CYTIP: variants seen among roughly 807,000 people sequenced by gnomAD.
CYTIP encodes the protein cytohesin 1 interacting protein, also known as cytohesin-interacting protein.
In CYTIP, 26 loss-of-function variants were observed where a neutral mutation model predicts 43.8. The observed-to-expected ratio is 0.59, with a 90% CI of 0.44 to 0.82. The LOEUF (loss-of-function observed/expected upper bound fraction) is 0.82. Among genes scored for constraint, CYTIP ranks in the 40% least tolerant of loss-of-function variants. The pLI is 0.00. For missense variants in CYTIP, 426 were observed against 443.1 expected, an observed-to-expected ratio of 0.96 and a Z score of 0.35; for synonymous variants, 162 against 162.9, an observed-to-expected ratio of 0.99 and a Z score of 0.04.
rs201946540 is a variant in CYTIP at position 157,434,750 on chromosome 2, G to A, written c.175-3C>T. On this transcript the variant is annotated splice_polypyrimidine_tract_variant and splice_region_variant and intron_variant, in intron 1 of 7. Coordinates refer to ENST00000264192, the MANE Select transcript of CYTIP (RefSeq NM_004288.5). ...GAACTTGATCTGGTCAAAGCAAGCT[G>A]AAAAACACAAAAGACATATAGTTAT... is the stretch of plus-strand genomic sequence containing the variant. 1.4e-5 allele frequency: 22 copies of A among 1,606,982 alleles called. No individual in the cohort carries two copies. Among genetic ancestry groups the A allele is most frequent in the Non-Finnish European group, 1.7e-5 (20 of 1,176,110 alleles).
intron 5 of CYTIP, among the ~76,000 whole-genome samples, chr2:157,429,230 T>C (rs1319409915): frequency 6.6e-6 from 1 of 152,186 alleles, no homozygotes; most frequent in Non-Finnish European, 1.5e-5. Context: ...AATTATACTG[T>C]CTTTTTCTCT....
chr2:157,442,755 G>A (rs1390647044), intron 1 of CYTIP, among the ~76,000 whole-genome samples: 1 of 152,056 alleles, frequency 6.6e-6, no homozygotes, highest in African/African-American at 2.4e-5. Flanking sequence ...CAAGGAATCA[G>A]CTATTATACA....
chr2:157,426,041 T>C (rs1434639026), intron 6 of CYTIP, among the ~76,000 whole-genome samples: 1 of 151,928 alleles, frequency 6.6e-6, no homozygotes, highest in Non-Finnish European at 1.5e-5. Flanking sequence ...CTATAAAAAT[T>C]ATTATTAGAA....
In CYTIP at chr2:157,441,028, T is replaced by C. The variant is rs561178644; in HGVS notation, c.174+2819A>G. Among the ~76,000 whole-genome samples, 4 of 152,202 alleles carry C rather than the reference T, an allele frequency of 2.6e-5. No individual in the cohort carries two copies. In the South Asian group the frequency reaches 8.3e-4, roughly 32 times the overall value. On this transcript the variant is annotated intron_variant, in intron 1 of 7. Coordinates refer to ENST00000264192, the MANE Select transcript of CYTIP (RefSeq NM_004288.5). ...TATCAGTACAGGTAGTGAGATAATA[T>C]GCACACAGAGAAATCTATCTTTAAA...
intron 5 of CYTIP, 66 bp downstream of exon 5, chr2:157,430,493 C>A: frequency 1.5e-6 from 2 of 1,372,254 alleles, no homozygotes; most frequent in South Asian, 1.2e-5. Flanking sequence ...CCTATTTATT[C>A]ACTCATCAGG....
chr2:157,421,560 G>T (rs1277490430), intron 6 of CYTIP, among the ~76,000 whole-genome samples: 1 of 152,186 alleles, frequency 6.6e-6, no homozygotes, highest in Admixed American at 6.5e-5. Context: ...AATAGCAGAA[G>T]TAGATTACAA....
At position 157,429,308 on chromosome 2, in the gene CYTIP, C is replaced by T. The variant is rs1198376521; in HGVS notation, c.476+1251G>A. 3.3e-5 allele frequency among the ~76,000 whole-genome samples: 5 copies of T among 152,068 alleles called. No homozygotes were observed. In the South Asian group the frequency reaches 1.0e-3, roughly 31 times the overall value. On this transcript the variant is annotated intron_variant, in intron 5 of 7. Coordinates refer to ENST00000264192, the MANE Select transcript of CYTIP (RefSeq NM_004288.5). ...TCTCTCTTTGCCTGAAGTGCTCTTACGAGGAGTTCATTTGACCATCCTTCT... is the reference window on the plus strand; with the variant it reads ...TCTCTCTTTGCCTGAAGTGCTCTTATGAGGAGTTCATTTGACCATCCTTCT...
chr2:157,441,376 G>A (rs1203182882), intron 1 of CYTIP, among the ~76,000 whole-genome samples: 2 of 152,158 alleles, frequency 1.3e-5, no homozygotes, highest in Non-Finnish European at 2.9e-5. Flanking sequence ...GATGATAATT[G>A]TACGGAATCA....
chr2:157,433,973 A>G (rs1248471217), intron 3 of CYTIP, among the ~76,000 whole-genome samples: 6 of 152,210 alleles, frequency 3.9e-5, no homozygotes, highest in Admixed American at 2.6e-4. Flanking sequence ...TTGAATGCCA[A>G]AGTAAATACT....
At chr2:157,426,136 G>C (rs749208300) in intron 6 of CYTIP, among the ~76,000 whole-genome samples, 6 of 151,868 alleles carry the variant, frequency 4.0e-5, no homozygotes, top group Non-Finnish European at 7.4e-5. Context: ...GATTAATATA[G>C]CAAGAACAAT....
intron 3 of CYTIP, chr2:157,434,141 A>C: frequency 1.7e-6 from 1 of 571,862 alleles, no homozygotes; most frequent in Non-Finnish European, 3.1e-6. Flanking sequence ...GAAGCAACTA[A>C]GCACAAACTG....
At chr2:157,431,037 C>T in intron 3 of CYTIP, 75 bp from the exon 4 acceptor site, 1 of 1,164,960 alleles carries the variant, frequency 8.6e-7, no homozygotes, top group Non-Finnish European at 1.2e-6. Flanking sequence ...AAAATGATGT[C>T]AATTATCATT....
chr2:157,420,409 G>A (rs916147467), intron 6 of CYTIP, among the ~76,000 whole-genome samples: 7 of 152,020 alleles, frequency 4.6e-5, no homozygotes, highest in South Asian at 2.1e-4. Context: ...TCAGGTACTC[G>A]GGAGGCTGAG....
chr2:157,423,868 C>T (rs2105135682), intron 6 of CYTIP, among the ~76,000 whole-genome samples: 1 of 152,134 alleles, frequency 6.6e-6, no homozygotes, highest in South Asian at 2.1e-4. Context: ...CACATATTGA[C>T]AGAATTTTTT....
intron 2 of CYTIP, 94 bp downstream of exon 2, chr2:157,434,604 A>AG: frequency 2.1e-6 from 2 of 949,682 alleles, no homozygotes; most frequent in Non-Finnish European, 1.7e-6. Flanking sequence ...GTAGAGAGAG[A>AG]GAGAGAGAGA....
At chr2:157,422,277 A>C (rs1379944473) in intron 6 of CYTIP, among the ~76,000 whole-genome samples, 1 of 152,234 alleles carries the variant, frequency 6.6e-6, no homozygotes, top group Non-Finnish European at 1.5e-5. Flanking sequence ...CAAGAGAAGT[A>C]GGCAATCTAA....
chr2:157,441,914 T>C (rs1372757470), intron 1 of CYTIP, among the ~76,000 whole-genome samples: 2 of 152,202 alleles, frequency 1.3e-5, no homozygotes, highest in Non-Finnish European at 2.9e-5. Flanking sequence ...AATCCTCTAC[T>C]TCTCAAACAC....
intron 1 of CYTIP, among the ~76,000 whole-genome samples, chr2:157,437,980 C>T (rs1170770264): frequency 6.6e-6 from 1 of 152,158 alleles, no homozygotes; most frequent in Non-Finnish European, 1.5e-5. Context: ...CCTCAAACAA[C>T]TACAAATAGA....
chr2:157,417,413 A>G (rs888194655), intron 7 of CYTIP, among the ~76,000 whole-genome samples: 2 of 152,180 alleles, frequency 1.3e-5, no homozygotes, highest in Admixed American at 1.3e-4. Flanking sequence ...TGACCTAACA[A>G]TGTTGTCTAT....
Sources: allele counts gnomAD v4.1 joint callset (sites outside exome capture counted in the v4.1 genomes callset), GRCh38; gene constraint gnomAD v4.1.1; transcripts MANE v1.5; gene names NCBI Gene and HGNC (gene_info 2026-07-23, HGNC 2026-07-21).